Variants in SLC9A2 observed in about 807,000 individuals in gnomAD.
SLC9A2 encodes solute carrier family 9 member A2.
Under a neutral mutation model 71.7 loss-of-function variants are expected in SLC9A2, and 42 were observed. The observed-to-expected ratio is 0.59, with a 90% confidence interval of 0.46 to 0.76. The LOEUF (loss-of-function observed/expected upper bound fraction) is 0.76. SLC9A2 is among the 30% of genes least tolerant of loss of function. The pLI is 0.00. For synonymous variants in SLC9A2, 396 were observed against 392.5 expected, an observed-to-expected ratio of 1.01 and a Z score of -0.10; for missense variants, 829 against 1,017.4, an observed-to-expected ratio of 0.81 and a Z score of 2.52.
In SLC9A2 at chr2:102,632,055, TATATACACACAC is replaced by T. The variant is rs1391433090; in HGVS notation, c.289+11924_289+11935del. On this transcript the variant is annotated intron_variant, in intron 1 of 11. Coordinates refer to ENST00000233969, the MANE Select transcript of SLC9A2 (RefSeq NM_003048.6). The stretch of plus-strand genomic sequence containing the variant: ...ATATATATACATACACACACACATA[TATATACACACAC>T]ATATATATACACACATATATATACA... Among the ~76,000 whole-genome samples the T allele has an allele frequency of 6.2e-3, 835 of 134,352 alleles. 18 individuals are homozygous for T. Among genetic ancestry groups the T allele is most frequent in the African/African-American group, 0.024 (802 of 34,118 alleles). The allele number at this position is 134,352 out of a possible 152,430, so 88.1% of individuals were successfully genotyped here.
intron 1 of SLC9A2, among the ~76,000 whole-genome samples, chr2:102,636,348 C>G (rs929544939): frequency 6.6e-6 from 1 of 152,188 alleles, no homozygotes; most frequent in Non-Finnish European, 1.5e-5. Context: ...AAATATTTCC[C>G]TGCCATGTAA....
intron 5 of SLC9A2, among the ~76,000 whole-genome samples, chr2:102,691,231 A>G (rs886237021): frequency 6.6e-6 from 1 of 152,214 alleles, no homozygotes; most frequent in Non-Finnish European, 1.5e-5. Flanking sequence ...GAACTGGTGA[A>G]AATTTAACTT....
At chr2:102,645,844 G>T (rs1462139297) in intron 1 of SLC9A2, among the ~76,000 whole-genome samples, 2 of 152,152 alleles carry the variant, frequency 1.3e-5, no homozygotes, top group South Asian at 4.1e-4. Context: ...GCCTGAAAGT[G>T]ACAGGGAGAA....
intron 2 of SLC9A2, among the ~76,000 whole-genome samples, chr2:102,658,431 A>G (rs1676987320): frequency 6.6e-6 from 1 of 151,964 alleles, no homozygotes; most frequent in Non-Finnish European, 1.5e-5. Context: ...CAGATCCCAG[A>G]GTTCTTTGTG....
At chr2:102,699,870 T>C (rs1000061282) in intron 7 of SLC9A2, among the ~76,000 whole-genome samples, 5 of 152,036 alleles carry the variant, frequency 3.3e-5, no homozygotes, top group African/African-American at 1.2e-4. Context: ...TCATCTTCCC[T>C]CTCTCTGTAT....
chr2:102,704,573 A>G lies in SLC9A2; in HGVS notation c.1875A>G (p.Thr625=). The G allele has an allele frequency of 1.2e-6, 2 of 1,613,326 alleles. No individual in the cohort carries two copies. The highest frequency in any genetic ancestry group is 2.2e-5 in the South Asian group (2 of 91,066). The change falls in exon 10 of 12, where the codon ACA becomes ACG. Residue 625 remains threonine, a synonymous_variant. Coordinates refer to ENST00000233969, the MANE Select transcript of SLC9A2 (RefSeq NM_003048.6). ...RTLSYNRHSL[T]ADTSERQAKE... The stretch of plus-strand genomic sequence containing the variant: ...TATCCTACAACAGACACAGTCTGAC[A>G]GCCGACACAAGTGAGAGACAAGCCA...
chr2:102,623,520 G>A (rs930758467), intron 1 of SLC9A2, among the ~76,000 whole-genome samples: 2 of 152,034 alleles, frequency 1.3e-5, no homozygotes, highest in Non-Finnish European at 2.9e-5. Context: ...GGACCGTCCT[G>A]GTGCTGTGGG....
chr2:102,670,187 T>TG (rs1260512857), intron 3 of SLC9A2, among the ~76,000 whole-genome samples: 2,401 of 150,314 alleles, frequency 0.016, 73 homozygotes, highest in African/African-American at 0.055. Context: ...TATTTTTTTT[T>TG]TTGTATTTTT....
chr2:102,662,778 G>A (rs532457891), intron 2 of SLC9A2, among the ~76,000 whole-genome samples: 6 of 150,682 alleles, frequency 4.0e-5, no homozygotes, highest in Admixed American at 6.7e-5. Context: ...AAAAAAAAGC[G>A]TCCCAGGTGT....
intron 3 of SLC9A2, among the ~76,000 whole-genome samples, chr2:102,679,167 A>AGTGGCTTACTGGGT (rs1677401203): frequency 6.6e-6 from 1 of 152,120 alleles, no homozygotes; most frequent in Non-Finnish European, 1.5e-5. Context: ...ACCAGATACT[A>AGTGGCTTACTGGGT]GGGTCTGTGG....
In SLC9A2 at chr2:102,704,619, C is replaced by A. The variant is rs1298969861; in HGVS notation, c.1921C>A (p.Arg641=). ...RQAKEILIRR[R]HSLRESIRKD... ...AGCCAAGGAGATTCTGATTCGCCGGCGACACAGTTTGCGAGAAAGCATTAG... is the reference window on the plus strand; with the variant it reads ...AGCCAAGGAGATTCTGATTCGCCGGAGACACAGTTTGCGAGAAAGCATTAG... Residue 641 remains arginine (R), a synonymous_variant, in exon 10 of 12, where the codon CGA becomes AGA. Transcript: ENST00000233969. The A allele has an allele frequency of 6.8e-6, 11 of 1,613,420 alleles. 1 individual carries two copies. The highest frequency in any genetic ancestry group is 1.3e-5 in the African/African-American group (1 of 74,864).
At chr2:102,680,245 T>C (rs1187661796) in intron 3 of SLC9A2, among the ~76,000 whole-genome samples, 1 of 152,180 alleles carries the variant, frequency 6.6e-6, no homozygotes, top group Non-Finnish European at 1.5e-5. Context: ...TGTCTTTTTT[T>C]ATATATATAA....
chr2:102,634,773 T>G (rs1246194936), intron 1 of SLC9A2, among the ~76,000 whole-genome samples: 1 of 152,226 alleles, frequency 6.6e-6, no homozygotes, highest in Non-Finnish European at 1.5e-5. Context: ...ACATCTTTTT[T>G]TTTATTCCAG....
intron 1 of SLC9A2, among the ~76,000 whole-genome samples, chr2:102,632,127 T>TAC (rs1443584410): frequency 5.5e-5 from 6 of 109,266 alleles, no homozygotes; most frequent in African/African-American, 2.0e-4. Context: ...TATACATATA[T>TAC]ACATATATAT....
chr2:102,672,417 G>A (rs1677270556), intron 3 of SLC9A2, among the ~76,000 whole-genome samples: 1 of 152,010 alleles, frequency 6.6e-6, no homozygotes, highest in African/African-American at 2.4e-5. Context: ...AAGACTTGGT[G>A]ACATATGTTT....
In SLC9A2 at chr2:102,709,248, C is replaced by T. The variant is rs1003272581; in HGVS notation, c.*759C>T. On this transcript the variant is annotated 3_prime_UTR_variant, in exon 12 of 12. Coordinates refer to ENST00000233969, the MANE Select transcript of SLC9A2 (RefSeq NM_003048.6). ...AAATGGTGCAGAGAGAAAGGTTGCC[C>T]AGACATCCACCAGCTTACTGTGTTG... 6.6e-6 allele frequency: 1 copy of T among 152,392 alleles called. No individual in the cohort carries two copies. The highest frequency in any genetic ancestry group is 1.5e-5 in the Non-Finnish European group (1 of 68,092). The allele number at this position is 152,392 out of a possible 1,614,324, so 9.4% of individuals were successfully genotyped here.
At chr2:102,680,454 A>T (rs1677431983) in intron 3 of SLC9A2, among the ~76,000 whole-genome samples, 1 of 152,148 alleles carries the variant, frequency 6.6e-6, no homozygotes, top group South Asian at 2.1e-4. Context: ...ACTGAGACAG[A>T]TGCCACTTTC....
At chr2:102,695,016 T>G (rs763189101) in intron 6 of SLC9A2, 27 bp from the exon 7 acceptor site, 1 of 1,600,360 alleles carries the variant, frequency 6.2e-7, no homozygotes, top group Non-Finnish European at 8.6e-7. Flanking sequence ...TAAAGACTAA[T>G]CAATTTGCCT....
intron 3 of SLC9A2, among the ~76,000 whole-genome samples, chr2:102,674,280 G>A (rs542271052): frequency 2.2e-4 from 33 of 152,208 alleles, no homozygotes; most frequent in African/African-American, 5.5e-4. Context: ...GACATGATAC[G>A]TGTCCCAAGG....
Sources: gnomAD v4.1 joint callset for allele counts (sites outside exome capture counted in the v4.1 genomes callset) on GRCh38, gnomAD v4.1.1 for gene constraint, MANE v1.5 for transcripts, NCBI Gene and HGNC (gene_info 2026-07-23, HGNC 2026-07-21) for gene names.